CDH4: variants seen among roughly 807,000 people sequenced by gnomAD.
The protein encoded by CDH4 is cadherin-4.
A neutral mutation model predicts 86.0 loss-of-function variants in CDH4; 33 were observed. The ratio of observed to expected loss-of-function variants is 0.38; its 90% confidence interval spans 0.29 to 0.51. The LOEUF (loss-of-function observed/expected upper bound fraction) is 0.51, where lower values mean the gene tolerates loss of function less well. Ranked by LOEUF, CDH4 falls within the 20% of genes least tolerant of loss-of-function variation. The pLI is 0.86. For missense variants in CDH4, 1,114 were observed against 1,307.4 expected (o/e 0.85, Z 2.28); for synonymous variants, 555 against 549.4 (o/e 1.01, Z -0.14).
chr20:61,756,002 G>T (rs1030357878), intron 3 of CDH4, among the ~76,000 whole-genome samples: 1 of 152,174 alleles, frequency 6.6e-6, no homozygotes, highest in Non-Finnish European at 1.5e-5. Context: ...TGTTCACCAC[G>T]CCCAGCCCGT....
rs372822973 is a variant in CDH4 at position 61,877,486 on chromosome 20, A to T, written c.1050+3586A>T. On this transcript the variant is annotated intron_variant, in intron 7 of 15. Coordinates refer to ENST00000614565, the MANE Select transcript of CDH4 (RefSeq NM_001794.5). ...GACGGAGATTTATGAAGATTGAGGA[A>T]CATGAGGAGACGCTGGTGTTGCGGG... is the stretch of plus-strand genomic sequence containing the variant. Among the ~76,000 whole-genome samples the T allele has an allele frequency of 7.2e-5, 11 of 151,814 alleles. No individual in the cohort carries two copies. The East Asian group carries it at 1.6e-3, about 21-fold the overall frequency.
intron 4 of CDH4, among the ~76,000 whole-genome samples, chr20:61,804,982 C>T (rs530439322): frequency 6.6e-6 from 1 of 152,370 alleles, no homozygotes; most frequent in African/African-American, 2.4e-5. Flanking sequence ...TCCCGCAGAC[C>T]TGCCGTCTTT....
chr20:61,400,668 C>A lies in CDH4; in HGVS notation c.169+145731C>A, dbSNP rs370372702. 1.6e-4 allele frequency among the ~76,000 whole-genome samples: 24 copies of A among 152,312 alleles called. No individual in the cohort carries two copies. In the South Asian group the frequency reaches 4.8e-3, roughly 30 times the overall value. ...CTTAGTCACTGCTGTGGGATGAGCCCCCTGGGAGCAGTCCTGGCCTTGGGG... is the reference window on the plus strand; with the variant it reads ...CTTAGTCACTGCTGTGGGATGAGCCACCTGGGAGCAGTCCTGGCCTTGGGG... On this transcript the variant is annotated intron_variant, in intron 2 of 15. Coordinates refer to ENST00000614565, the MANE Select transcript of CDH4 (RefSeq NM_001794.5).
At chr20:61,622,786 C>T (rs150752723) in intron 2 of CDH4, among the ~76,000 whole-genome samples, 1 of 152,310 alleles carries the variant, frequency 6.6e-6, no homozygotes, top group African/African-American at 2.4e-5. Context: ...ACCCACCCTG[C>T]CCAGTTGTGA....
chr20:61,894,664 T>G (rs1401340058), intron 7 of CDH4, among the ~76,000 whole-genome samples: 1 of 151,972 alleles, frequency 6.6e-6, no homozygotes, highest in Admixed American at 6.6e-5. Context: ...GCCACTGAGA[T>G]GAAAACACAG....
Position 61,496,038 on chromosome 20 carries a change from T to C in CDH4, c.169+241101T>C, listed in dbSNP as rs149877898. On this transcript the variant is annotated intron_variant, in intron 2 of 15. Transcript: ENST00000614565. The stretch of plus-strand genomic sequence containing the variant: ...ATTTTTTTCTCTAGGTATTTCATTA[T>C]GAAAATTTTCATACTTACAGAAAAT... Among the ~76,000 whole-genome samples the C allele has an allele frequency of 1.8e-3, 274 of 152,210 alleles. 1 individual carries two copies. The highest frequency in any genetic ancestry group is 6.4e-3 in the African/African-American group (264 of 41,522).
intron 2 of CDH4, among the ~76,000 whole-genome samples, chr20:61,396,691 C>A (rs1413873744): frequency 6.6e-6 from 1 of 152,160 alleles, no homozygotes; most frequent in Non-Finnish European, 1.5e-5. Flanking sequence ...CCACGTTTCT[C>A]GGCTCACAGT....
chr20:61,734,329 T>A (rs1439460065), intron 2 of CDH4, among the ~76,000 whole-genome samples: 2 of 152,252 alleles, frequency 1.3e-5, no homozygotes, highest in African/African-American at 4.8e-5. Flanking sequence ...AGTTCAGAAC[T>A]GGCCCAAGCC....
chr20:61,292,983 C>T (rs964820876), intron 2 of CDH4, among the ~76,000 whole-genome samples: 1 of 152,100 alleles, frequency 6.6e-6, no homozygotes, highest in African/African-American at 2.4e-5. Flanking sequence ...CTGTGTGCTG[C>T]CGGGGTCTGC....
intron 2 of CDH4, among the ~76,000 whole-genome samples, chr20:61,732,096 C>T (rs1385906322): frequency 6.6e-6 from 1 of 152,266 alleles, no homozygotes; most frequent in Non-Finnish European, 1.5e-5. Context: ...CGGTGACTCA[C>T]TGCTGGGCTG....
At chr20:61,674,076 T>C (rs938498609) in intron 2 of CDH4, among the ~76,000 whole-genome samples, 1 of 152,098 alleles carries the variant, frequency 6.6e-6, no homozygotes, top group Non-Finnish European at 1.5e-5. Flanking sequence ...TTTGGGGGTG[T>C]GCAAATGAGA....
chr20:61,442,656 T>G (rs1326047632), intron 2 of CDH4, among the ~76,000 whole-genome samples: 3 of 152,224 alleles, frequency 2.0e-5, no homozygotes, highest in Non-Finnish European at 4.4e-5. Flanking sequence ...CTGCACCCAG[T>G]GGAGCCTCAT....
chr20:61,758,396 TGTG>T (rs1484358349), intron 3 of CDH4, among the ~76,000 whole-genome samples: 1 of 152,150 alleles, frequency 6.6e-6, no homozygotes. Flanking sequence ...CTGCCCGTAT[TGTG>T]GTGCTGTGGA....
intron 2 of CDH4, among the ~76,000 whole-genome samples, chr20:61,464,693 C>T (rs1260658996): frequency 1.3e-5 from 2 of 152,192 alleles, no homozygotes; most frequent in Non-Finnish European, 2.9e-5. Context: ...TATTAACAGC[C>T]TGGTAACTAA....
At chr20:61,822,597 T>G (rs1981104590) in intron 4 of CDH4, among the ~76,000 whole-genome samples, 1 of 152,168 alleles carries the variant, frequency 6.6e-6, no homozygotes, top group Non-Finnish European at 1.5e-5. Flanking sequence ...AGGGACACCA[T>G]GGCGTCATCT....
intron 2 of CDH4, among the ~76,000 whole-genome samples, chr20:61,576,675 C>G (rs957391953): frequency 7.2e-5 from 11 of 152,202 alleles, no homozygotes; most frequent in Admixed American, 5.9e-4. Flanking sequence ...TGAGTTATCT[C>G]AGCTCTGAGC....
chr20:61,844,768 C>T lies in CDH4; in HGVS notation c.677C>T (p.Ser226Phe), dbSNP rs2146101946. The stretch of plus-strand genomic sequence containing the variant: ...GAGGTCTTCAGCATTGACTCCATGT[C>T]CGGCCGGATGTACGTCACAAGGCCC... ...PMEVFSIDSMSGRMYVTRPMD... is the reference protein window; with the variant it reads ...PMEVFSIDSMFGRMYVTRPMD... The change falls in exon 5 of 16, where the codon TCC (serine) becomes TTC (phenylalanine). Residue 226 changes from serine (S) to phenylalanine (F), a missense_variant. Physicochemically the swap from Ser to Phe is radical, Grantham distance 155. Around this residue, in one of 3 missense-constraint regions of CDH4, gnomAD observed 705 missense variants for 914.1 expected, o/e 0.77. Transcript: ENST00000614565. 1 of 1,614,024 alleles carries T rather than the reference C, an allele frequency of 6.2e-7. No homozygotes were observed.
chr20:61,597,283 G>A (rs1359575190), intron 2 of CDH4, among the ~76,000 whole-genome samples: 1 of 152,248 alleles, frequency 6.6e-6, no homozygotes, highest in Non-Finnish European at 1.5e-5. Context: ...CAGAAGGTCT[G>A]TTCCCTCCAC....
chr20:61,684,303 G>C lies in CDH4; in HGVS notation c.170-59260G>C, dbSNP rs767918006. Reference sequence around the variant, plus strand: ...GAGGGTGGCAAAGGGGCGACCATGCGACTGAGCCCTGTGGGAAGAGCAGGG... The same window carrying C: ...GAGGGTGGCAAAGGGGCGACCATGCCACTGAGCCCTGTGGGAAGAGCAGGG... On this transcript the variant is annotated intron_variant, in intron 2 of 15. Coordinates refer to ENST00000614565, the MANE Select transcript of CDH4 (RefSeq NM_001794.5). This position sits in a 1 kb window ranked among gnomAD's most constrained non-coding sequence, Gnocchi z 4.5. 6.6e-6 allele frequency among the ~76,000 whole-genome samples: 1 copy of C among 152,306 alleles called. No homozygotes were observed. Among genetic ancestry groups the C allele is most frequent in the South Asian group, 2.1e-4 (1 of 4,820 alleles).
Sources: gnomAD v4.1 joint callset for allele counts (sites outside exome capture counted in the v4.1 genomes callset) on GRCh38, gnomAD v4.1.1 for gene constraint, gnomAD v4.1.1 regional missense constraint, Gnocchi (gnomAD v3.1) non-coding constraint, MANE v1.5 for transcripts, NCBI Gene and HGNC (gene_info 2026-07-23, HGNC 2026-07-21) for gene names.